RGS6: variants seen among roughly 807,000 people sequenced by gnomAD.
RGS6 encodes the protein regulator of G protein signaling 6, also known as regulator of G-protein signaling 6.
In RGS6, 30 loss-of-function variants were observed where a neutral mutation model predicts 78.5. That is an observed-to-expected ratio of 0.38 (90% CI 0.29 to 0.52). The LOEUF is 0.52. Among genes scored for constraint, RGS6 ranks in the 20% least tolerant of loss-of-function variants. The pLI is 0.85. For missense variants in RGS6, 495 were observed against 609.7 expected (o/e 0.81, Z 1.98); for synonymous variants, 206 against 206.0 (o/e 1.00, Z 0.00).
At chr14:72,133,986 T>G (rs1355311790) in intron 2 of RGS6, among the ~76,000 whole-genome samples, 1 of 152,228 alleles carries the variant, frequency 6.6e-6, no homozygotes, top group Non-Finnish European at 1.5e-5. Context: ...ACATAGCATC[T>G]TTCTCAACAC....
chr14:72,239,947 A>G (rs920590355), intron 2 of RGS6, among the ~76,000 whole-genome samples: 4 of 152,186 alleles, frequency 2.6e-5, no homozygotes, highest in African/African-American at 9.7e-5. Flanking sequence ...AATGCTCACT[A>G]ACACCACTGT....
chr14:72,596,913 T>A, the RGS6 span, among the ~76,000 whole-genome samples: 1 of 152,158 alleles, frequency 6.6e-6, no homozygotes. Context: ...AGGTTCCTTA[T>A]CTGTAAAACG....
intron 2 of RGS6, among the ~76,000 whole-genome samples, chr14:72,190,321 T>C (rs898253609): frequency 6.6e-6 from 1 of 152,260 alleles, no homozygotes; most frequent in Non-Finnish European, 1.5e-5. Context: ...GCTTATTTCT[T>C]GAAGGAAAAG....
chr14:72,547,290 A>G, intron 17 of RGS6: 1 of 1,535,504 alleles, frequency 6.5e-7, no homozygotes, highest in Admixed American at 2.0e-5. Context: ...AGGAGACCCA[A>G]CTCTGCCTGT....
At chr14:72,102,652 G>A (rs2095551482) in intron 2 of RGS6, among the ~76,000 whole-genome samples, 1 of 152,070 alleles carries the variant, frequency 6.6e-6, no homozygotes, top group Non-Finnish European at 1.5e-5. Context: ...CCTTTCCTTG[G>A]TCTAAAGGCC....
At chr14:72,618,780 C>T in the RGS6 span, among the ~76,000 whole-genome samples, 5 of 152,302 alleles carry the variant, frequency 3.3e-5, no homozygotes, top group East Asian at 9.7e-4. Context: ...TTCAAGACCC[C>T]AAGTCTAGAA....
At chr14:72,567,506 G>A (rs907351043), downstream of RGS6, among the ~76,000 whole-genome samples, 3 of 152,218 alleles carry the variant, frequency 2.0e-5, no homozygotes, top group African/African-American at 7.2e-5. Flanking sequence ...GAATCAAGAT[G>A]GAGATTTGAG....
At chr14:72,154,504 GT>G (rs936195224) in intron 2 of RGS6, among the ~76,000 whole-genome samples, 2 of 150,462 alleles carry the variant, frequency 1.3e-5, no homozygotes, top group Admixed American at 6.7e-5. Context: ...CAGTCCCTCT[GT>G]TTGGGGGGGG....
chr14:72,543,178 C>A (rs1189019647), intron 17 of RGS6, among the ~76,000 whole-genome samples: 3 of 152,228 alleles, frequency 2.0e-5, no homozygotes, highest in Non-Finnish European at 2.9e-5. Context: ...GCGCAACTAG[C>A]CTACCATGTA....
intron 2 of RGS6, among the ~76,000 whole-genome samples, chr14:71,976,832 A>G (rs1426995926): frequency 1.4e-4 from 21 of 148,960 alleles, no homozygotes; most frequent in African/African-American, 4.2e-4. Flanking sequence ...CTGAGGAATC[A>G]CCACACTGAC....
chr14:72,197,781 C>T (rs181351027), intron 2 of RGS6, among the ~76,000 whole-genome samples: 15 of 152,098 alleles, frequency 9.9e-5, no homozygotes, highest in African/African-American at 2.2e-4. Flanking sequence ...CAGTGGGTCA[C>T]GCCCACCAGA....
At chr14:71,876,619 C>G in the RGS6 span, among the ~76,000 whole-genome samples, 2 of 151,018 alleles carry the variant, frequency 1.3e-5, no homozygotes, top group African/African-American at 4.9e-5. Context: ...TGGGTCTTGA[C>G]TCTTTATCCG....
intron 2 of RGS6, among the ~76,000 whole-genome samples, chr14:72,267,421 G>C (rs955462182): frequency 2.6e-5 from 4 of 152,228 alleles, no homozygotes; most frequent in Admixed American, 2.0e-4. Context: ...CACACTGTGA[G>C]AGCTGGGTTG....
At chr14:72,511,311 A>C (rs1469355579) in intron 14 of RGS6, among the ~76,000 whole-genome samples, 1 of 152,228 alleles carries the variant, frequency 6.6e-6, no homozygotes, top group Non-Finnish European at 1.5e-5. Flanking sequence ...GCTGCGGGCA[A>C]AGGACTGCCC....
intron 2 of RGS6, among the ~76,000 whole-genome samples, chr14:72,344,994 T>C (rs1266495769): frequency 6.6e-6 from 1 of 152,158 alleles, no homozygotes; most frequent in Admixed American, 6.5e-5. Context: ...TTCCATGTGG[T>C]ATAGAGGCTG....
intron 15 of RGS6, among the ~76,000 whole-genome samples, chr14:72,519,810 G>T (rs72726170): frequency 6.6e-6 from 1 of 152,052 alleles, no homozygotes; most frequent in Non-Finnish European, 1.5e-5. Flanking sequence ...GTTCCGTGGG[G>T]GTTCCCTGCA....
At chr14:72,081,003 C>G (rs184145006) in intron 2 of RGS6, among the ~76,000 whole-genome samples, 70 of 152,086 alleles carry the variant, frequency 4.6e-4, no homozygotes, top group South Asian at 2.1e-3. Flanking sequence ...TCTTTGGGGT[C>G]TTTTGTGGTT....
the RGS6 span, among the ~76,000 whole-genome samples, chr14:71,912,739 A>T: frequency 6.6e-6 from 1 of 152,188 alleles, no homozygotes; most frequent in Admixed American, 6.5e-5. Context: ...TTCTTTCCTG[A>T]TAAATAGCTG....
intron 2 of RGS6, among the ~76,000 whole-genome samples, chr14:72,068,537 G>A (rs532221282): frequency 5.0e-3 from 571 of 114,212 alleles, no homozygotes; most frequent in African/African-American, 0.018. Flanking sequence ...TCGCTTTGTC[G>A]CCCAGGCTGG....
Sources: gnomAD v4.1 joint callset for allele counts (sites outside exome capture counted in the v4.1 genomes callset) on GRCh38, gnomAD v4.1.1 for gene constraint, MANE v1.5 for transcripts, NCBI Gene and HGNC (gene_info 2026-07-23, HGNC 2026-07-21) for gene names.